Variants in EXOC1 observed in about 807,000 individuals in gnomAD.
EXOC1 encodes SEC3-like 1.
A neutral mutation model predicts 107.7 loss-of-function variants in EXOC1; 67 were observed. The observed-to-expected ratio is 0.62, with a 90% CI of 0.51 to 0.76. The LOEUF (loss-of-function observed/expected upper bound fraction) is 0.76. EXOC1 is among the 30% of genes least tolerant of loss of function. The pLI, the probability that EXOC1 is intolerant of heterozygous loss-of-function variation, is 0.00. For missense variants in EXOC1, 833 were observed against 1,055.7 expected (o/e 0.79, Z 2.92); for synonymous variants, 348 against 353.5 (o/e 0.98, Z 0.17).
chr4:55,891,708 A>G (rs1408185813), intron 13 of EXOC1, among the ~76,000 whole-genome samples: 1 of 152,212 alleles, frequency 6.6e-6, no homozygotes, highest in Admixed American at 6.5e-5. Context: ...TTACTTTGCA[A>G]AGAACATTAT....
chr4:55,897,596 A>G (rs963726643), intron 16 of EXOC1, among the ~76,000 whole-genome samples: 3 of 152,094 alleles, frequency 2.0e-5, no homozygotes, highest in African/African-American at 7.2e-5. Flanking sequence ...GATTGCATAT[A>G]TTCAGGAATT....
intron 8 of EXOC1, chr4:55,875,376 A>G: frequency 1.1e-6 from 1 of 931,336 alleles, no homozygotes. Context: ...TTTTTAAGAA[A>G]AGAATAAGTA....
intron 16 of EXOC1, among the ~76,000 whole-genome samples, chr4:55,898,427 T>C (rs1447046): frequency 0.21 from 31,921 of 152,092 alleles, 3,679 homozygotes; most frequent in Non-Finnish European, 0.25. Flanking sequence ...AGATATTCCC[T>C]CTGAAATGAA....
chr4:55,896,929 G>T (rs751306009), intron 16 of EXOC1, 29 bp downstream of exon 16: 1 of 1,533,934 alleles, frequency 6.5e-7, no homozygotes. Flanking sequence ...CTAAAGAATT[G>T]TTATAGCTAT....
intron 5 of EXOC1, 115 bp downstream of exon 5, chr4:55,868,638 TTATC>T (rs1312346169): frequency 1.2e-5 from 10 of 838,160 alleles, no homozygotes; most frequent in Non-Finnish European, 1.6e-5. Context: ...ATTGCCATCT[TTATC>T]TATAAGCACA....
intron 4 of EXOC1, among the ~76,000 whole-genome samples, chr4:55,866,431 A>G (rs946085854): frequency 6.6e-6 from 1 of 152,068 alleles, no homozygotes. Context: ...ACTTGCCTCA[A>G]TCTTGTCCTT....
intron 18 of EXOC1, 71 bp from the exon 19 acceptor site, chr4:55,904,272 G>T: frequency 2.2e-6 from 3 of 1,386,016 alleles, no homozygotes; most frequent in South Asian, 3.4e-5. Context: ...ATATGCCTTG[G>T]CATTATTTCT....
intron 14 of EXOC1, 144 bp downstream of exon 14, chr4:55,892,855 G>A (rs1257422688): frequency 5.8e-6 from 4 of 688,108 alleles, no homozygotes; most frequent in South Asian, 2.0e-5. Context: ...CTTATCAAAC[G>A]TTTTACTGAT....
At chr4:55,899,646 C>A in intron 16 of EXOC1, 39 bp from the exon 17 acceptor site, 1 of 1,555,880 alleles carries the variant, frequency 6.4e-7, no homozygotes, top group Non-Finnish European at 8.8e-7. Flanking sequence ...TATGGTCATA[C>A]TCAGAGATGT....
intron 16 of EXOC1, among the ~76,000 whole-genome samples, chr4:55,897,698 C>A (rs1356949423): frequency 1.3e-5 from 2 of 152,136 alleles, no homozygotes; most frequent in Non-Finnish European, 2.9e-5. Flanking sequence ...TCGCTGCAAC[C>A]TTCACCTCCC....
intron 9 of EXOC1, among the ~76,000 whole-genome samples, chr4:55,878,854 G>A (rs896549114): frequency 6.6e-6 from 1 of 152,054 alleles, no homozygotes; most frequent in Admixed American, 6.6e-5. Flanking sequence ...GATGAGCTAT[G>A]GGACCTACCA....
chr4:55,891,541 T>A, intron 13 of EXOC1, 119 bp downstream of exon 13: 1 of 683,450 alleles, frequency 1.5e-6, no homozygotes, highest in Non-Finnish European at 2.4e-6. Context: ...CATGTAAGGA[T>A]TTTTTTATGA....
intron 3 of EXOC1, among the ~76,000 whole-genome samples, chr4:55,860,798 T>C (rs1340174051): frequency 6.6e-6 from 1 of 152,026 alleles, no homozygotes; most frequent in Non-Finnish European, 1.5e-5. Flanking sequence ...GATTTTAAAG[T>C]GGTGTGTCAT....
chr4:55,880,597 C>T (rs1723298065), intron 9 of EXOC1, among the ~76,000 whole-genome samples: 3 of 152,132 alleles, frequency 2.0e-5, no homozygotes, highest in African/African-American at 7.2e-5. Flanking sequence ...CCAACAAGTG[C>T]TTTGTCCCCT....
rs141894810 is a variant in EXOC1, at chr4:55,856,705, A to G, written c.-10-1609A>G. 8.5e-3 allele frequency among the ~76,000 whole-genome samples: 1,291 copies of G among 152,332 alleles called. 29 individuals are homozygous for G. Among genetic ancestry groups the G allele is most frequent in the African/African-American group, 0.029 (1,210 of 41,560 alleles). On this transcript the variant is annotated intron_variant, in intron 1 of 18. Transcript: ENST00000381295. ...AATTGTAATACATATCCACACAAAT[A>G]TGTATATGAAAAATAAAATAGAGAT...
At chr4:55,857,211 C>T (rs1319880459) in intron 1 of EXOC1, among the ~76,000 whole-genome samples, 1 of 91,242 alleles carries the variant, frequency 1.1e-5, no homozygotes, top group East Asian at 3.7e-4. Context: ...CAGAGTCTGG[C>T]TCTGTCTCCC....
At chr4:55,871,282 G>T (rs761471163) in intron 7 of EXOC1, 49 bp downstream of exon 7, 8 of 1,572,140 alleles carry the variant, frequency 5.1e-6, no homozygotes, top group African/African-American at 2.7e-5. Context: ...GTGAGACTAA[G>T]CCTGTAACTT....
chr4:55,902,742 A>G (rs535942336), intron 18 of EXOC1, among the ~76,000 whole-genome samples: 5 of 151,094 alleles, frequency 3.3e-5, no homozygotes, highest in East Asian at 3.9e-4. Context: ...TATTTCTGCT[A>G]TATTATGGTG....
At position 55,903,475 on chromosome 4, in the gene EXOC1, G is replaced by A. The variant is rs186633140; in HGVS notation, c.2533-868G>A. Among the ~76,000 whole-genome samples, 277 of 152,238 alleles carry A rather than the reference G, an allele frequency of 1.8e-3. 3 individuals carry two copies. Among genetic ancestry groups the A allele is most frequent in the Non-Finnish European group, 2.7e-3 (183 of 68,018 alleles). On this transcript the variant is annotated intron_variant, in intron 18 of 18. Transcript: ENST00000381295. ...TAGAAAGAAATAATATGAGCTAAAC[G>A]ATGAAAAGTAAAAAGCATAACACTG... is the stretch of plus-strand genomic sequence containing the variant.
Sources: allele counts gnomAD v4.1 joint callset (sites outside exome capture counted in the v4.1 genomes callset), GRCh38; gene constraint gnomAD v4.1.1; transcripts MANE v1.5; gene names NCBI Gene and HGNC (gene_info 2026-07-23, HGNC 2026-07-21).